The following SEMA5A variants were observed in gnomAD, a reference collection of about 807,000 sequenced individuals.
SEMA5A encodes semaphorin-5A.
In SEMA5A, 55 loss-of-function variants were observed where a neutral mutation model predicts 135.5. That is an observed-to-expected ratio of 0.41 (90% CI 0.33 to 0.51). SEMA5A has a LOEUF of 0.51. Ranked by LOEUF, SEMA5A falls within the 20% of genes least tolerant of loss-of-function variation. The pLI is 0.37. For missense variants in SEMA5A, 1,290 were observed against 1,419.9 expected, an observed-to-expected ratio of 0.91 and a Z score of 1.47; for synonymous variants, 580 against 546.5, an observed-to-expected ratio of 1.06 and a Z score of -0.85.
intron 5 of SEMA5A, among the ~76,000 whole-genome samples, chr5:9,302,625 T>A (rs3777318): frequency 0.68 from 102,930 of 151,610 alleles, 37,970 homozygotes; most frequent in Non-Finnish European, 0.83. Context: ...AGGCATGATC[T>A]CAGAGCACAA....
intron 1 of SEMA5A, among the ~76,000 whole-genome samples, chr5:9,544,513 A>G (rs1427047328): frequency 6.7e-6 from 1 of 150,172 alleles, no homozygotes; most frequent in Admixed American, 6.6e-5. Flanking sequence ...AGCTCCCCCA[A>G]CCCCCGGCCC....
chr5:9,295,209 G>A (rs1377353098), intron 5 of SEMA5A, among the ~76,000 whole-genome samples: 1 of 152,146 alleles, frequency 6.6e-6, no homozygotes, highest in Non-Finnish European at 1.5e-5. Context: ...AGCATAAAAA[G>A]GATTTGGGGA....
chr5:9,498,018 T>C (rs1735389646), intron 1 of SEMA5A, among the ~76,000 whole-genome samples: 1 of 152,230 alleles, frequency 6.6e-6, no homozygotes, highest in South Asian at 2.1e-4. Context: ...TCTGATCCTG[T>C]ATGTAAGTGG....
chr5:9,520,594 A>C (rs1037857761), intron 1 of SEMA5A, among the ~76,000 whole-genome samples: 2 of 152,134 alleles, frequency 1.3e-5, no homozygotes, highest in African/African-American at 4.8e-5. Context: ...CTGTTATTCC[A>C]TATTTTATAC....
intron 6 of SEMA5A, among the ~76,000 whole-genome samples, chr5:9,233,480 A>C (rs569440584): frequency 6.6e-6 from 1 of 150,884 alleles, no homozygotes; most frequent in Non-Finnish European, 1.5e-5. Flanking sequence ...TTTTTCCCCC[A>C]TGGAATATTT....
intron 16 of SEMA5A, among the ~76,000 whole-genome samples, chr5:9,105,237 A>G (rs1003031834): frequency 6.6e-6 from 1 of 152,196 alleles, no homozygotes; most frequent in African/African-American, 2.4e-5. Context: ...AGGGTCCTTC[A>G]CTGCCTCTTT....
intron 3 of SEMA5A, among the ~76,000 whole-genome samples, chr5:9,362,144 A>G (rs1425998336): frequency 6.6e-6 from 1 of 152,144 alleles, no homozygotes; most frequent in Admixed American, 6.5e-5. Flanking sequence ...CAGGTAGAAC[A>G]GCTCACTGTA....
chr5:9,359,507 C>T (rs566273808), intron 3 of SEMA5A, among the ~76,000 whole-genome samples: 17 of 152,266 alleles, frequency 1.1e-4, no homozygotes, highest in African/African-American at 3.9e-4. Context: ...AAGGAATTTC[C>T]TAGCATAACC....
intron 2 of SEMA5A, among the ~76,000 whole-genome samples, chr5:9,384,559 G>C (rs200321827): frequency 1.2e-4 from 15 of 123,610 alleles, no homozygotes; most frequent in South Asian, 1.1e-3. Context: ...TAGATAGATA[G>C]ATAGATAGAT....
At chr5:9,372,949 C>A (rs1228428982) in intron 3 of SEMA5A, among the ~76,000 whole-genome samples, 1 of 152,148 alleles carries the variant, frequency 6.6e-6, no homozygotes, top group Non-Finnish European at 1.5e-5. Context: ...CTGAGCAATG[C>A]CAGTGGCCCA....
At chr5:9,377,349 T>C (rs1373743660) in intron 3 of SEMA5A, among the ~76,000 whole-genome samples, 1 of 152,142 alleles carries the variant, frequency 6.6e-6, no homozygotes, top group Non-Finnish European at 1.5e-5. Flanking sequence ...AGCTCTGGAA[T>C]AGGATCAAGA....
intron 15 of SEMA5A, among the ~76,000 whole-genome samples, chr5:9,111,586 TTC>T (rs1278821104): frequency 6.6e-6 from 1 of 152,218 alleles, no homozygotes; most frequent in African/African-American, 2.4e-5. Context: ...CCTTGTTTTT[TTC>T]TCTTTCTCCT....
At chr5:9,115,871 G>A (rs1056999431) in intron 15 of SEMA5A, among the ~76,000 whole-genome samples, 1 of 152,152 alleles carries the variant, frequency 6.6e-6, no homozygotes, top group Non-Finnish European at 1.5e-5. Context: ...TGGCAAAGGG[G>A]TGAGATGTCA....
In SEMA5A at chr5:9,196,005, T is replaced by C. The variant is rs73044745; in HGVS notation, c.1068+1163A>G. ...CAGGTGATCTGCCCCAGGCCCACTG[T>C]CTTTCCCTGCACATGGAGAAGGCAT... On this transcript the variant is annotated intron_variant, in intron 10 of 22. Transcript: ENST00000382496. Among the ~76,000 whole-genome samples the C allele has an allele frequency of 5.6e-3, 853 of 152,384 alleles. 5 individuals carry two copies. Among genetic ancestry groups the C allele is most frequent in the African/African-American group, 0.019 (801 of 41,598 alleles).
chr5:9,244,159 A>G (rs1748359535), intron 5 of SEMA5A, among the ~76,000 whole-genome samples: 1 of 152,212 alleles, frequency 6.6e-6, no homozygotes, highest in Non-Finnish European at 1.5e-5. Flanking sequence ...GAAATTAAAC[A>G]TCTTCTGTAT....
At chr5:9,139,521 A>G (rs1024681030) in intron 12 of SEMA5A, among the ~76,000 whole-genome samples, 6 of 152,264 alleles carry the variant, frequency 3.9e-5, no homozygotes, top group Admixed American at 2.0e-4. Context: ...AAGGCTTAGC[A>G]TAGATGAATA....
intron 16 of SEMA5A, among the ~76,000 whole-genome samples, chr5:9,073,046 T>A (rs1737854263): frequency 6.6e-6 from 1 of 152,170 alleles, no homozygotes; most frequent in African/African-American, 2.4e-5. Flanking sequence ...ACATACAAAA[T>A]ATTTGCAGAT....
rs16882551 is a variant in SEMA5A, at chr5:9,361,711, T to C, written c.124+18112A>G. On this transcript the variant is annotated intron_variant, in intron 3 of 22. Coordinates refer to ENST00000382496, the MANE Select transcript of SEMA5A (RefSeq NM_003966.3). ...ACTAGGTTGGTGCAAAAGTAATTGC[T>C]CTTTACCTATGTATCTCTTTAAACA... Among the ~76,000 whole-genome samples, 925 of 152,324 alleles carry C rather than the reference T, an allele frequency of 6.1e-3. 8 individuals are homozygous for C. Among genetic ancestry groups the C allele is most frequent in the African/African-American group, 0.022 (896 of 41,558 alleles).
chr5:9,498,737 A>C (rs422556), intron 1 of SEMA5A: 147,991 of 152,212 alleles, frequency 0.97, 72,177 homozygotes, highest in Non-Finnish European at 1. Flanking sequence ...ATAACCAACT[A>C]TGACCCAGTA....
Sources: allele counts gnomAD v4.1 joint callset (sites outside exome capture counted in the v4.1 genomes callset), GRCh38; gene constraint gnomAD v4.1.1; transcripts MANE v1.5; gene names NCBI Gene and HGNC (gene_info 2026-07-23, HGNC 2026-07-21).